Variants in SLC30A7 observed in about 807,000 individuals in gnomAD.
SLC30A7 encodes zinc transporter 7.
In SLC30A7, 35 loss-of-function variants were observed where a neutral mutation model predicts 46.0. The ratio of observed to expected loss-of-function variants is 0.76; its 90% confidence interval spans 0.58 to 1.01. SLC30A7 has a LOEUF of 1.01. Among genes scored for constraint, SLC30A7 ranks in the 50% least tolerant of loss-of-function variants. The pLI is 0.00. For synonymous variants in SLC30A7, 147 were observed against 157.8 expected (o/e 0.93, Z 0.51); for missense variants, 464 against 451.1 (o/e 1.03, Z -0.26).
chr1:100,962,841 T>A (rs992688697), intron 9 of SLC30A7, among the ~76,000 whole-genome samples: 3 of 152,178 alleles, frequency 2.0e-5, no homozygotes, highest in Non-Finnish European at 2.9e-5. Context: ...ACAATGGTGG[T>A]TTAGATTACA....
At chr1:100,920,401 G>T (rs1185797237) in intron 7 of SLC30A7, among the ~76,000 whole-genome samples, 2 of 151,796 alleles carry the variant, frequency 1.3e-5, no homozygotes, top group Non-Finnish European at 2.9e-5. Flanking sequence ...GATAGGAACC[G>T]AATATTTATT....
chr1:100,966,441 C>T (rs1056472466), intron 10 of SLC30A7, among the ~76,000 whole-genome samples: 1 of 151,328 alleles, frequency 6.6e-6, no homozygotes, highest in Non-Finnish European at 1.5e-5. Flanking sequence ...AAAAATTAGC[C>T]GGGTGTGGTG....
chr1:100,896,589 A>T lies in SLC30A7; in HGVS notation c.100A>T (p.Thr34Ser). 1 of 1,613,858 alleles carries T rather than the reference A, an allele frequency of 6.2e-7. No individual in the cohort carries two copies. Among genetic ancestry groups the T allele is most frequent in the Non-Finnish European group, 8.5e-7 (1 of 1,179,916 alleles). Residue 34 changes from threonine (T) to serine (S), a missense_variant, in exon 2 of 11, where the codon ACT becomes TCT. Transcript: ENST00000357650. ...GWFRSILSDK[T>S]SRNLFFFLCL... ...TCCCAGGTCTATACTGTCCGACAAGACTTCCCGGAACCTGTTTTTCTTCCT... is the reference window on the plus strand; with the variant it reads ...TCCCAGGTCTATACTGTCCGACAAGTCTTCCCGGAACCTGTTTTTCTTCCT...
chr1:100,906,761 G>C (rs754479798), intron 2 of SLC30A7, 91 bp from the exon 3 acceptor site: 20 of 832,216 alleles, frequency 2.4e-5, no homozygotes, highest in Non-Finnish European at 3.6e-5. Flanking sequence ...GTTAATTCCT[G>C]ATGAACAAAG....
rs2101016083 is a variant in SLC30A7, at chr1:100,910,925, T to C, written c.297-138T>C. 7.0e-6 allele frequency: 4 copies of C among 570,212 alleles called. No homozygotes were observed. In the East Asian group the frequency reaches 1.2e-4, roughly 17 times the overall value. 35.3% of individuals were successfully genotyped at this position (570,212 alleles called of 1,614,324 possible). On this transcript the variant is annotated intron_variant, in intron 3 of 10. Coordinates refer to ENST00000357650, the MANE Select transcript of SLC30A7 (RefSeq NM_133496.5). ...CTACTATATATAAAATAAAATGCAC[T>C]GTACTATAAACACTAGGGCTTCGCT...
chr1:100,936,388 A>C (rs1285223629), intron 8 of SLC30A7, among the ~76,000 whole-genome samples: 1 of 152,064 alleles, frequency 6.6e-6, no homozygotes, highest in Non-Finnish European at 1.5e-5. Flanking sequence ...GATTAATGTC[A>C]CCAGAATTGT....
the SLC30A7 span, among the ~76,000 whole-genome samples, chr1:100,994,260 C>G: frequency 2.0e-5 from 3 of 152,010 alleles, no homozygotes; most frequent in Non-Finnish European, 4.4e-5. Context: ...GATTTATATA[C>G]TAAAGCTGTT....
At chr1:100,990,901 C>T in the SLC30A7 span, among the ~76,000 whole-genome samples, 23 of 152,354 alleles carry the variant, frequency 1.5e-4, no homozygotes, top group African/African-American at 4.8e-4. Flanking sequence ...GCTATACTTA[C>T]ACTCTACAAT....
At position 100,965,421 on chromosome 1, in the gene SLC30A7, C is replaced by G. The variant is rs146460646; in HGVS notation, c.934-348C>G. Among the ~76,000 whole-genome samples, 1,271 of 152,240 alleles carry G rather than the reference C, an allele frequency of 8.3e-3. 12 individuals carry two copies. Among genetic ancestry groups the G allele is most frequent in the Middle Eastern group, 0.014 (4 of 294 alleles). On this transcript the variant is annotated intron_variant, in intron 9 of 10. Transcript: ENST00000357650. ...TTTCTGTACATTTTTGGTAGTTAGC[C>G]TATATTAAGTTAAGGAAGTGTCCTT...
At chr1:100,945,378 T>C (rs1217887007) in intron 8 of SLC30A7, among the ~76,000 whole-genome samples, 1 of 152,226 alleles carries the variant, frequency 6.6e-6, no homozygotes, top group Non-Finnish European at 1.5e-5. Flanking sequence ...ATGTCCTGAA[T>C]GGTATTGCCT....
At chr1:100,940,453 A>G (rs1020292447) in intron 8 of SLC30A7, among the ~76,000 whole-genome samples, 3 of 152,230 alleles carry the variant, frequency 2.0e-5, no homozygotes, top group Non-Finnish European at 2.9e-5. Flanking sequence ...ATAAGAAGAA[A>G]GCATCATAAG....
Position 100,979,436 on chromosome 1 carries a change from CAAAAAAAAAAAAAAAA to C in SLC30A7, c.*4586_*4601del, listed in dbSNP as rs67182429. 3 of 90,580 alleles carry C rather than the reference CAAAAAAAAAAAAAAAA, an allele frequency of 3.3e-5. No homozygotes were observed. The highest frequency in any genetic ancestry group is 6.6e-5 in the Non-Finnish European group (3 of 45,638). The allele number at this position is 90,580 out of a possible 1,614,324, so 5.6% of individuals were successfully genotyped here. ...CAAATACAGTGAAAGATTATGTATC[CAAAAAAAAAAAAAAAA>C]AAAAAAGAAAAGGAGCAGGGAAGGA... On this transcript the variant is annotated 3_prime_UTR_variant, in exon 11 of 11. Coordinates refer to ENST00000357650, the MANE Select transcript of SLC30A7 (RefSeq NM_133496.5).
chr1:100,993,902 G>A, the SLC30A7 span, among the ~76,000 whole-genome samples: 1 of 151,552 alleles, frequency 6.6e-6, no homozygotes, highest in Non-Finnish European at 1.5e-5. Context: ...CACCATGCCT[G>A]GCTAATTTTT....
intron 7 of SLC30A7, 133 bp from the exon 8 acceptor site, chr1:100,921,573 T>C (rs1652934046): frequency 4.9e-6 from 3 of 617,258 alleles, no homozygotes; most frequent in Non-Finnish European, 8.1e-6. Flanking sequence ...AAATGGTGAA[T>C]ATACATGCTT....
In SLC30A7 at chr1:100,961,933, C is replaced by T. The variant is rs374978623; in HGVS notation, c.933+15C>T. Reference sequence around the variant, plus strand: ...GCTATCAGAGGGTGAGTTTCAAATACTCCAAACCATTGGATTTTATGCTGT... The same window carrying T: ...GCTATCAGAGGGTGAGTTTCAAATATTCCAAACCATTGGATTTTATGCTGT... On this transcript the variant is annotated intron_variant, in intron 9 of 10. Coordinates refer to ENST00000357650, the MANE Select transcript of SLC30A7 (RefSeq NM_133496.5). 3.5e-5 allele frequency: 52 copies of T among 1,486,516 alleles called. No individual in the cohort carries two copies. Among genetic ancestry groups the T allele is most frequent in the Non-Finnish European group, 4.8e-5 (52 of 1,080,966 alleles). The allele number at this position is 1,486,516 out of a possible 1,614,324, so 92.1% of individuals were successfully genotyped here.
the SLC30A7 span, among the ~76,000 whole-genome samples, chr1:100,993,401 A>C: frequency 6.6e-6 from 1 of 151,208 alleles, no homozygotes; most frequent in Non-Finnish European, 1.5e-5. Context: ...AAATAAAAAA[A>C]ATTAGCGTGG....
At chr1:100,925,653 C>G (rs764578926) in intron 8 of SLC30A7, among the ~76,000 whole-genome samples, 76 of 152,188 alleles carry the variant, frequency 5.0e-4, no homozygotes, top group Middle Eastern at 6.8e-3. Flanking sequence ...AGTTTTTAAT[C>G]TGGGCAACTG....
intron 8 of SLC30A7, among the ~76,000 whole-genome samples, chr1:100,930,239 C>T (rs913522330): frequency 2.6e-5 from 4 of 151,818 alleles, no homozygotes; most frequent in African/African-American, 9.7e-5. Context: ...ATACATACCA[C>T]AAAATCATTT....
rs201826705 is a variant in SLC30A7 at position 100,930,050 on chromosome 1, TAAATG to T, written c.842+8213_842+8217del. Reference sequence around the variant, plus strand: ...GTAGCTTGATTTTTTTTTATTCACTTAAATGAAAGGGTTACCTATGCATGATGGAT... The same window carrying T: ...GTAGCTTGATTTTTTTTTATTCACTTAAAGGGTTACCTATGCATGATGGAT... On this transcript the variant is annotated intron_variant, in intron 8 of 10. Coordinates refer to ENST00000357650, the MANE Select transcript of SLC30A7 (RefSeq NM_133496.5). Among the ~76,000 whole-genome samples, 1,145 of 152,140 alleles carry T rather than the reference TAAATG, an allele frequency of 7.5e-3. 36 individuals carry two copies. The highest frequency in any genetic ancestry group is 0.054 in the Admixed American group (823 of 15,262).
Sources: gnomAD v4.1 joint callset for allele counts (sites outside exome capture counted in the v4.1 genomes callset) on GRCh38, gnomAD v4.1.1 for gene constraint, MANE v1.5 for transcripts, NCBI Gene and HGNC (gene_info 2026-07-23, HGNC 2026-07-21) for gene names.